SLC35D4: variants seen among roughly 807,000 people sequenced by gnomAD.
The protein encoded by SLC35D4 is solute carrier family 35 member D4.
the SLC35D4 span, among the ~76,000 whole-genome samples, chr18:23,407,338 A>G: frequency 6.6e-6 from 1 of 152,228 alleles, no homozygotes; most frequent in Non-Finnish European, 1.5e-5. Flanking sequence ...CTACAAGGAC[A>G]GAAACCATCA....
At chr18:23,254,162 C>T in the SLC35D4 span, among the ~76,000 whole-genome samples, 1 of 152,168 alleles carries the variant, frequency 6.6e-6, no homozygotes, top group Non-Finnish European at 1.5e-5. Flanking sequence ...TGGGTCTGGC[C>T]CTCAAAGTCC....
the SLC35D4 span, among the ~76,000 whole-genome samples, chr18:23,393,874 C>A: frequency 6.6e-6 from 1 of 152,218 alleles, no homozygotes; most frequent in South Asian, 2.1e-4. Flanking sequence ...CTGCCTTGGC[C>A]TCCCAAAGTG....
At chr18:23,418,348 A>AAAT in the SLC35D4 span, among the ~76,000 whole-genome samples, 41 of 123,146 alleles carry the variant, frequency 3.3e-4, no homozygotes, top group Middle Eastern at 4.0e-3. Context: ...GGAGAAGCCA[A>AAAT]AATTATTATT....
At chr18:23,364,214 C>T in the SLC35D4 span, among the ~76,000 whole-genome samples, 4 of 152,174 alleles carry the variant, frequency 2.6e-5, no homozygotes, top group Admixed American at 1.3e-4. Flanking sequence ...AGCCAATTCA[C>T]CTTTCTCATT....
chr18:23,353,420 T>C, the SLC35D4 span, among the ~76,000 whole-genome samples: 3 of 152,284 alleles, frequency 2.0e-5, no homozygotes, highest in East Asian at 1.9e-4. Context: ...GAGCCTAATA[T>C]GGTGCCTCAG....
the SLC35D4 span, among the ~76,000 whole-genome samples, chr18:23,335,725 T>C: frequency 6.6e-6 from 1 of 152,194 alleles, no homozygotes; most frequent in South Asian, 2.1e-4. Flanking sequence ...CCCACACTCA[T>C]TTATTGGACA....
the SLC35D4 span, among the ~76,000 whole-genome samples, chr18:23,260,740 C>T: frequency 2.6e-5 from 4 of 152,174 alleles, no homozygotes; most frequent in Non-Finnish European, 4.4e-5. Flanking sequence ...GCCCTGACGT[C>T]ACCTCCCCGG....
the SLC35D4 span, among the ~76,000 whole-genome samples, chr18:23,248,533 T>G: frequency 7.3e-6 from 1 of 137,110 alleles, no homozygotes; most frequent in Non-Finnish European, 1.6e-5. Context: ...TTTTTTTTTT[T>G]TTTTTAAAAA....
the SLC35D4 span, among the ~76,000 whole-genome samples, chr18:23,359,945 A>T: frequency 3.5e-4 from 53 of 152,294 alleles, no homozygotes; most frequent in African/African-American, 1.2e-3. Context: ...CTCGGAGCAA[A>T]CTCTGTGGTG....
chr18:23,436,598 G>C, the SLC35D4 span, among the ~76,000 whole-genome samples: 1 of 151,886 alleles, frequency 6.6e-6, no homozygotes, highest in African/African-American at 2.4e-5. Context: ...TTCGAGACCA[G>C]CCTGGACAAC....
At chr18:23,339,664 T>A in the SLC35D4 span, among the ~76,000 whole-genome samples, 1 of 152,180 alleles carries the variant, frequency 6.6e-6, no homozygotes, top group African/African-American at 2.4e-5. Context: ...TTACAAGCAA[T>A]AAAGATTTGT....
At chr18:23,398,483 G>A in the SLC35D4 span, among the ~76,000 whole-genome samples, 1 of 152,188 alleles carries the variant, frequency 6.6e-6, no homozygotes, top group South Asian at 2.1e-4. Context: ...GAACAAAGAA[G>A]GCACAGCAGA....
chr18:23,314,350 G>A, the SLC35D4 span, among the ~76,000 whole-genome samples: 4 of 152,118 alleles, frequency 2.6e-5, no homozygotes, highest in Non-Finnish European at 4.4e-5. Flanking sequence ...AACAGAAATC[G>A]ATCCCAGTGC....
chr18:23,286,851 A>C, the SLC35D4 span, among the ~76,000 whole-genome samples: 1 of 151,946 alleles, frequency 6.6e-6, no homozygotes, highest in African/African-American at 2.4e-5. Context: ...TGCTTCCCTG[A>C]CTATTCCTGG....
At chr18:23,316,546 A>G in the SLC35D4 span, among the ~76,000 whole-genome samples, 1 of 152,232 alleles carries the variant, frequency 6.6e-6, no homozygotes, top group Non-Finnish European at 1.5e-5. Flanking sequence ...AACTCCAGGC[A>G]TGGCTATTAA....
At chr18:23,405,683 G>C in the SLC35D4 span, among the ~76,000 whole-genome samples, 1 of 152,176 alleles carries the variant, frequency 6.6e-6, no homozygotes, top group African/African-American at 2.4e-5. Flanking sequence ...GACTGTAGTA[G>C]TCATGGGAGG....
At chr18:23,247,369 G>T in the SLC35D4 span, among the ~76,000 whole-genome samples, 2 of 152,242 alleles carry the variant, frequency 1.3e-5, no homozygotes, top group South Asian at 4.1e-4. Context: ...AGAGTGATCC[G>T]TCCAGTTTCC....
At chr18:23,354,063 C>T in the SLC35D4 span, among the ~76,000 whole-genome samples, 1 of 152,194 alleles carries the variant, frequency 6.6e-6, no homozygotes, top group South Asian at 2.1e-4. Flanking sequence ...GATGTAGTTG[C>T]CTGCGCTGGA....
chr18:23,243,435 G>A, the SLC35D4 span, among the ~76,000 whole-genome samples: 2 of 151,538 alleles, frequency 1.3e-5, no homozygotes, highest in Admixed American at 6.6e-5. Flanking sequence ...TGCTGTGTGG[G>A]GGAGGGAGGG....
Sources: allele counts gnomAD v4.1 joint callset (sites outside exome capture counted in the v4.1 genomes callset), GRCh38; gene constraint gnomAD v4.1.1; transcripts MANE v1.5; gene names NCBI Gene and HGNC (gene_info 2026-07-23, HGNC 2026-07-21).